Variants in FAT3 observed in about 807,000 individuals in gnomAD.
FAT3 encodes the protein protocadherin Fat 3.
A neutral mutation model predicts 310.2 loss-of-function variants in FAT3; 95 were observed. The ratio of observed to expected loss-of-function variants is 0.31; its 90% confidence interval spans 0.26 to 0.36. The LOEUF (loss-of-function observed/expected upper bound fraction) is 0.36, where lower values mean the gene tolerates loss of function less well. Ranked by LOEUF, FAT3 falls within the 10% of genes least tolerant of loss-of-function variation. The probability of loss-of-function intolerance (pLI) is 1.00; values close to 1 mark genes in which losing one functional copy is unlikely to be tolerated. For missense variants in FAT3, 5,408 were observed against 5,715.6 expected (o/e 0.95, Z 1.74); for synonymous variants, 2,314 against 2,192.9 (o/e 1.06, Z -1.54).
At chr11:92,302,816 A>G (rs141890506) in intron 1 of FAT3, among the ~76,000 whole-genome samples, 2 of 152,140 alleles carry the variant, frequency 1.3e-5, no homozygotes, top group Non-Finnish European at 2.9e-5. Flanking sequence ...CAAGGAAGGG[A>G]AATAAGTCAT....
chr11:92,688,645 C>A (rs1007854620), intron 3 of FAT3, among the ~76,000 whole-genome samples: 1 of 152,102 alleles, frequency 6.6e-6, no homozygotes, highest in African/African-American at 2.4e-5. Context: ...AGTTTGAAAA[C>A]CAACCATGGT....
rs1017124811 is a variant in FAT3 at position 92,224,994 on chromosome 11, G to A, written c.-198G>A. Among the ~76,000 whole-genome samples the A allele has an allele frequency of 1.3e-4, 20 of 152,074 alleles. No individual in the cohort carries two copies. The highest frequency in any genetic ancestry group is 2.4e-4 in the Non-Finnish European group (16 of 68,006). On this transcript the variant is annotated 5_prime_UTR_variant, in exon 1 of 28. Coordinates refer to ENST00000525166, the MANE Select transcript of FAT3 (RefSeq NM_001367949.2). ...CTTGCGAACCCCCGGCGGCGGCGGC[G>A]GCGGCGTCCCGAGCGCAGAGCGCTT...
chr11:92,841,073 C>T (rs1202168402), intron 18 of FAT3, among the ~76,000 whole-genome samples: 1 of 152,168 alleles, frequency 6.6e-6, no homozygotes, highest in African/African-American at 2.4e-5. Context: ...CATCACATTA[C>T]CCCACTTGGG....
chr11:92,281,366 A>C, intron 1 of FAT3, among the ~76,000 whole-genome samples: 1 of 152,318 alleles, frequency 6.6e-6, no homozygotes. Context: ...GCAAGTTTCT[A>C]CAAGTATAGA....
At chr11:92,386,390 A>G (rs11019944) in intron 2 of FAT3, among the ~76,000 whole-genome samples, 11,771 of 152,268 alleles carry the variant, frequency 0.077, 661 homozygotes, top group African/African-American at 0.15. Context: ...AAACATAGTG[A>G]ACATTCAATA....
chr11:92,329,208 G>C (rs1335668080), intron 1 of FAT3, among the ~76,000 whole-genome samples: 1 of 151,330 alleles, frequency 6.6e-6, no homozygotes, highest in African/African-American at 2.4e-5. Context: ...GTTGAAATTT[G>C]ATCCTAATGT....
intron 1 of FAT3, among the ~76,000 whole-genome samples, chr11:92,313,045 C>G (rs1947350978): frequency 6.6e-6 from 1 of 152,166 alleles, no homozygotes; most frequent in Non-Finnish European, 1.5e-5. Context: ...AAATTTTAAT[C>G]TTTATGACTA....
chr11:92,286,702 C>T (rs530844271), intron 1 of FAT3, among the ~76,000 whole-genome samples: 2 of 152,264 alleles, frequency 1.3e-5, no homozygotes, highest in Middle Eastern at 3.4e-3. Flanking sequence ...ATAGCTGTTG[C>T]CAGCCATCTT....
At chr11:92,713,035 A>T (rs1944573380) in intron 4 of FAT3, among the ~76,000 whole-genome samples, 1 of 152,238 alleles carries the variant, frequency 6.6e-6, no homozygotes, top group African/African-American at 2.4e-5. Context: ...CACACTGCTT[A>T]CCACCTCACA....
intron 14 of FAT3, among the ~76,000 whole-genome samples, chr11:92,832,282 G>A (rs931026246): frequency 1.3e-5 from 2 of 152,264 alleles, no homozygotes; most frequent in Non-Finnish European, 2.9e-5. Context: ...GCTCTAGTGA[G>A]CAACATTCCT....
chr11:92,845,006 A>G (rs1296251554), intron 19 of FAT3, among the ~76,000 whole-genome samples: 1 of 152,220 alleles, frequency 6.6e-6, no homozygotes, highest in East Asian at 1.9e-4. Flanking sequence ...CCCAGCCGAT[A>G]GGGATTTCCC....
intron 2 of FAT3, among the ~76,000 whole-genome samples, chr11:92,445,176 A>T (rs1565322634): frequency 6.6e-6 from 1 of 152,240 alleles, no homozygotes; most frequent in Non-Finnish European, 1.5e-5. Context: ...TAAGAAACTC[A>T]GTCTATGGTA....
At chr11:92,438,644 A>C (rs752128524) in intron 2 of FAT3, among the ~76,000 whole-genome samples, 6 of 152,182 alleles carry the variant, frequency 3.9e-5, no homozygotes, top group Non-Finnish European at 8.8e-5. Context: ...AATAATACAA[A>C]GTAGAGATTT....
chr11:92,744,412 A>G (rs1176669412), intron 4 of FAT3, among the ~76,000 whole-genome samples: 3 of 152,204 alleles, frequency 2.0e-5, no homozygotes, highest in African/African-American at 7.2e-5. Flanking sequence ...TCAAATGCCC[A>G]CAGAACCCAT....
At chr11:92,759,562 C>G (rs1450422706) in intron 4 of FAT3, among the ~76,000 whole-genome samples, 1 of 152,074 alleles carries the variant, frequency 6.6e-6, no homozygotes, top group Admixed American at 6.5e-5. Context: ...ATAGGGACAG[C>G]TCTCCAAAGA....
intron 15 of FAT3, among the ~76,000 whole-genome samples, chr11:92,835,555 C>G (rs1948384298): frequency 6.6e-6 from 1 of 152,082 alleles, no homozygotes; most frequent in African/African-American, 2.4e-5. Context: ...ACAAAAAATG[C>G]TAGGTTTTTG....
intron 3 of FAT3, among the ~76,000 whole-genome samples, chr11:92,536,345 A>G (rs112242240): frequency 1.3e-5 from 2 of 152,124 alleles, no homozygotes; most frequent in African/African-American, 4.8e-5. Context: ...AATAACCTTG[A>G]GAGGGAAAGA....
chr11:92,332,852 C>G lies in FAT3; in HGVS notation c.-17-19244C>G, dbSNP rs758649801. On this transcript the variant is annotated intron_variant, in intron 1 of 27. Coordinates refer to ENST00000525166, the MANE Select transcript of FAT3 (RefSeq NM_001367949.2). ...TCCTACACAGCAATTAGTCCCTGCT[C>G]TGTGTCCTCATAGCCCTTTGTTTCC... Among the ~76,000 whole-genome samples the G allele has an allele frequency of 5.3e-4, 80 of 152,174 alleles. 1 individual carries two copies. The highest frequency in any genetic ancestry group is 8.8e-4 in the Non-Finnish European group (60 of 68,040).
At chr11:92,538,176 C>A (rs926134513) in intron 3 of FAT3, among the ~76,000 whole-genome samples, 4 of 152,118 alleles carry the variant, frequency 2.6e-5, no homozygotes, top group African/African-American at 9.7e-5. Context: ...AAATTGCCAA[C>A]AATTCTATTA....
Sources: allele counts gnomAD v4.1 joint callset (sites outside exome capture counted in the v4.1 genomes callset), GRCh38; gene constraint gnomAD v4.1.1; transcripts MANE v1.5; gene names NCBI Gene and HGNC (gene_info 2026-07-23, HGNC 2026-07-21).